The following PLB1 variants were observed in gnomAD, a reference collection of about 807,000 sequenced individuals.
The protein encoded by PLB1 is phospholipase B1, also known as phospholipase B1, membrane-associated.
PLB1 carries 242 observed loss-of-function variants against 227.4 expected under a neutral mutation model. That is an observed-to-expected ratio of 1.06 (90% CI 0.96 to 1.18). The LOEUF (loss-of-function observed/expected upper bound fraction) is 1.18, where lower values mean the gene tolerates loss of function less well. Ranked by LOEUF, PLB1 falls within the 50% of genes most tolerant of loss-of-function variation. PLB1 has a pLI of 0.00. For missense variants in PLB1, 1,858 were observed against 1,816.3 expected (o/e 1.02, Z -0.42); for synonymous variants, 757 against 682.2 (o/e 1.11, Z -1.71).
At chr2:28,597,213 G>C (rs1683097418) in intron 33 of PLB1, among the ~76,000 whole-genome samples, 1 of 147,260 alleles carries the variant, frequency 6.8e-6, no homozygotes, top group South Asian at 2.1e-4. Context: ...GCATTGAGTG[G>C]AGATCACACC....
At chr2:28,633,519 A>T (rs1688939902) in intron 56 of PLB1, 1 of 155,472 alleles carries the variant, frequency 6.4e-6, no homozygotes, top group Non-Finnish European at 1.4e-5. Flanking sequence ...CCTTCCAAGC[A>T]CTCCGGGCTC....
intron 1 of PLB1, among the ~76,000 whole-genome samples, chr2:28,515,060 T>A (rs570702604): frequency 1.3e-5 from 2 of 152,336 alleles, no homozygotes; most frequent in East Asian, 3.9e-4. Context: ...TCTCATAAAG[T>A]TGTCATGAGG....
Position 28,518,666 on chromosome 2 carries a change from G to A in PLB1, c.184+134G>A, listed in dbSNP as rs1469996813. ...CCTCTTCCTTATCCTCAGTCCCTCA[G>A]TGTGACAGATGATTTCCCAGTCATC... is the stretch of plus-strand genomic sequence containing the variant. On this transcript the variant is annotated intron_variant, in intron 3 of 57. Transcript: ENST00000327757. 6 of 635,080 alleles carry A rather than the reference G, an allele frequency of 9.4e-6. No individual in the cohort carries two copies. In the Admixed American group the frequency reaches 1.6e-4, roughly 17 times the overall value. The allele number at this position is 635,080 out of a possible 1,614,324, so 39.3% of individuals were successfully genotyped here.
chr2:28,603,357 T>C (rs1266835719), intron 39 of PLB1, among the ~76,000 whole-genome samples: 1 of 152,228 alleles, frequency 6.6e-6, no homozygotes, highest in African/African-American at 2.4e-5. Flanking sequence ...GTGTTTTGTT[T>C]CTTAAACTGG....
intron 23 of PLB1, among the ~76,000 whole-genome samples, chr2:28,581,527 AAATAAAT>A (rs1426439106): frequency 3.5e-4 from 50 of 143,418 alleles, no homozygotes; most frequent in African/African-American, 1.2e-3. Context: ...ATAAATAAAT[AAATAAAT>A]AAAATTAAAA....
intron 33 of PLB1, among the ~76,000 whole-genome samples, chr2:28,597,393 ACTTGT>A (rs1384815772): frequency 6.6e-6 from 1 of 151,732 alleles, no homozygotes; most frequent in Non-Finnish European, 1.5e-5. Flanking sequence ...TAGAAATAGT[ACTTGT>A]CTTCTGTGTG....
chr2:28,563,092 C>A lies in PLB1; in HGVS notation c.1199C>A (p.Ser400Tyr). 1 of 1,613,106 alleles carries A rather than the reference C, an allele frequency of 6.2e-7. No individual in the cohort carries two copies. Among genetic ancestry groups the A allele is most frequent in the South Asian group, 1.1e-5 (1 of 91,048 alleles). Reference protein sequence around the residue: ...DINVIGALGDSLTAGNGAGST... With the variant: ...DINVIGALGDYLTAGNGAGST... ...AACGTAATTGGAGCCCTGGGTGACT[C>A]TCTCACGGTAAGTGACCCTGATGCA... Residue 400 changes from serine (S) to tyrosine (Y), a missense_variant, in exon 18 of 58, where the codon TCT (serine) becomes TAT (tyrosine). Ser to Tyr is a moderately radical substitution (Grantham distance 144). Transcript: ENST00000327757.
intron 25 of PLB1, among the ~76,000 whole-genome samples, chr2:28,585,400 C>T (rs993171410): frequency 2.6e-5 from 4 of 152,106 alleles, no homozygotes; most frequent in African/African-American, 7.2e-5. Flanking sequence ...CTCAGCCTCC[C>T]GAGTAGCTGG....
intron 1 of PLB1, among the ~76,000 whole-genome samples, chr2:28,508,889 T>C (rs975240425): frequency 6.6e-6 from 1 of 152,226 alleles, no homozygotes; most frequent in African/African-American, 2.4e-5. Flanking sequence ...GTGACCTCAG[T>C]GCCACATGAG....
chr2:28,573,934 A>G, intron 21 of PLB1, among the ~76,000 whole-genome samples: 1 of 152,218 alleles, frequency 6.6e-6, no homozygotes, highest in African/African-American at 2.4e-5. Flanking sequence ...GTAATGCAGC[A>G]AGGTGGCAGG....
chr2:28,572,227 A>G (rs554636384), intron 20 of PLB1, among the ~76,000 whole-genome samples: 1 of 152,336 alleles, frequency 6.6e-6, no homozygotes, highest in African/African-American at 2.4e-5. Context: ...ATCCACTAGC[A>G]TGGTTATAAT....
intron 14 of PLB1, 80 bp from the exon 15 acceptor site, chr2:28,548,780 A>G: frequency 2.2e-6 from 3 of 1,358,140 alleles, no homozygotes; most frequent in South Asian, 2.4e-5. Context: ...TGCTGGACTA[A>G]TGAGTCTTTC....
intron 34 of PLB1, 106 bp from the exon 35 acceptor site, chr2:28,598,546 G>T: frequency 1.2e-6 from 1 of 835,152 alleles, no homozygotes; most frequent in Non-Finnish European, 2.0e-6. Flanking sequence ...GGAAGCATGA[G>T]GATGATAACA....
chr2:28,547,528 T>C (rs1316089978), intron 14 of PLB1, among the ~76,000 whole-genome samples: 8 of 152,216 alleles, frequency 5.3e-5, no homozygotes, highest in African/African-American at 1.9e-4. Flanking sequence ...TTCTTGCTTA[T>C]TGGGGCACAG....
intron 33 of PLB1, 64 bp downstream of exon 33, chr2:28,593,818 C>G: frequency 7.1e-7 from 1 of 1,416,462 alleles, no homozygotes; most frequent in Non-Finnish European, 9.9e-7. Flanking sequence ...GTGGCTTTGT[C>G]TCCTGTAAAT....
chr2:28,543,010 C>T (rs193190636), intron 13 of PLB1, among the ~76,000 whole-genome samples: 2 of 152,292 alleles, frequency 1.3e-5, no homozygotes, highest in African/African-American at 4.8e-5. Flanking sequence ...GTGCCACCTG[C>T]TCCTGCAGGC....
At chr2:28,599,645 C>T (rs1227717595) in intron 35 of PLB1, among the ~76,000 whole-genome samples, 1 of 152,104 alleles carries the variant, frequency 6.6e-6, no homozygotes, top group East Asian at 1.9e-4. Context: ...TAGATAGAGT[C>T]TCATTCTATC....
intron 42 of PLB1, among the ~76,000 whole-genome samples, chr2:28,606,248 G>A (rs377589334): frequency 5.9e-5 from 9 of 152,222 alleles, no homozygotes; most frequent in South Asian, 2.1e-4. Flanking sequence ...TTTAAGCCAC[G>A]TTATCTCATT....
chr2:28,520,442 T>C (rs1385338482), intron 4 of PLB1, among the ~76,000 whole-genome samples: 5 of 152,210 alleles, frequency 3.3e-5, no homozygotes, highest in Non-Finnish European at 7.3e-5. Flanking sequence ...AATAACTTTT[T>C]AAATTTTGTT....
Sources: gnomAD v4.1 joint callset for allele counts (sites outside exome capture counted in the v4.1 genomes callset) on GRCh38, gnomAD v4.1.1 for gene constraint, MANE v1.5 for transcripts, NCBI Gene and HGNC (gene_info 2026-07-23, HGNC 2026-07-21) for gene names.